Variants in CPEB2 observed in about 807,000 individuals in gnomAD.
The protein encoded by CPEB2 is cytoplasmic polyadenylation element-binding protein 2.
In CPEB2, 56 loss-of-function variants were observed where a neutral mutation model predicts 93.6. That is an observed-to-expected ratio of 0.60 (90% CI 0.48 to 0.75). The LOEUF (loss-of-function observed/expected upper bound fraction) is 0.75, where lower values mean the gene tolerates loss of function less well. Ranked by LOEUF, CPEB2 falls within the 30% of genes least tolerant of loss-of-function variation. The pLI is 0.00. For missense variants in CPEB2, 1,579 were observed against 1,395.1 expected (o/e 1.13, Z -2.10); for synonymous variants, 764 against 586.3 (o/e 1.30, Z -4.38).
chr4:15,037,381 AT>A (rs1171232978), intron 5 of CPEB2, among the ~76,000 whole-genome samples: 1 of 152,144 alleles, frequency 6.6e-6, no homozygotes, highest in African/African-American at 2.4e-5. Context: ...ATTGAAAAAA[AT>A]AAAAATGTCT....
intron 4 of CPEB2, among the ~76,000 whole-genome samples, chr4:15,020,614 G>C (rs1465026158): frequency 6.6e-6 from 1 of 152,072 alleles, no homozygotes; most frequent in Admixed American, 6.6e-5. Flanking sequence ...TCATGGTCTG[G>C]CATAGCAGGT....
chr4:15,036,247 T>TA (rs1356214962), intron 5 of CPEB2, among the ~76,000 whole-genome samples: 2 of 152,072 alleles, frequency 1.3e-5, no homozygotes, highest in African/African-American at 4.8e-5. Context: ...ATTTAAACAA[T>TA]AAAAAAACCA....
chr4:15,002,766 C>G lies in CPEB2; in HGVS notation c.93C>G (p.Tyr31Ter), dbSNP rs772778501. The G allele has an allele frequency of 4.3e-5, 66 of 1,535,474 alleles. No individual in the cohort carries two copies. In the Admixed American group the frequency reaches 7.7e-4, roughly 18 times the overall value. ...TCTGCGGCGAGGCGTATGGTCCTTA[C>G]GCCGTGGGGTCCGTCAACCCGCTGC... ...PLFCGEAYGP[Y>*]AVGSVNPLPS... Residue 31 changes from tyrosine (Y) to a stop codon, truncating the protein, a stop_gained, in exon 1 of 12, where the codon TAC (tyrosine) becomes TAG (stop). Coordinates refer to ENST00000538197, the MANE Select transcript of CPEB2 (RefSeq NM_001177382.2). LOFTEE classifies it high-confidence loss of function.
At position 15,004,297 on chromosome 4, in the gene CPEB2, G is replaced by C; in HGVS notation, c.1624G>C (p.Ala542Pro). The C allele has an allele frequency of 6.7e-7, 1 of 1,490,004 alleles. No homozygotes were observed. Among genetic ancestry groups the C allele is most frequent in the Non-Finnish European group, 8.9e-7 (1 of 1,127,654 alleles). The allele number at this position is 1,490,004 out of a possible 1,614,324, so 92.3% of individuals were successfully genotyped here. Reference protein sequence around the residue: ...LQQQHQAAAAAFLQQRNSYNH... With the variant: ...LQQQHQAAAAPFLQQRNSYNH... ...GCAGCAGCACCAGGCGGCGGCCGCCGCCTTCCTGCAGCAGAGGAACTCCTA... is the reference window on the plus strand; with the variant it reads ...GCAGCAGCACCAGGCGGCGGCCGCCCCCTTCCTGCAGCAGAGGAACTCCTA... The change falls in exon 1 of 12, where the codon GCC (alanine) becomes CCC (proline). Residue 542 changes from alanine (A) to proline (P), a missense_variant. Coordinates refer to ENST00000538197, the MANE Select transcript of CPEB2 (RefSeq NM_001177382.2).
intron 11 of CPEB2, 151 bp downstream of exon 11, chr4:15,062,411 TG>T (rs1729275168): frequency 2.0e-6 from 1 of 506,790 alleles, no homozygotes; most frequent in South Asian, 5.8e-5. Flanking sequence ...ATCCTTGAAA[TG>T]GAAAATTACT....
Position 15,003,639 on chromosome 4 carries a change from C to T in CPEB2, c.966C>T (p.Leu322=). Residue 322 remains leucine, a synonymous_variant, in exon 1 of 12, where the codon CTC becomes CTT. Coordinates refer to ENST00000538197, the MANE Select transcript of CPEB2 (RefSeq NM_001177382.2). The stretch of plus-strand genomic sequence containing the variant: ...TGGAGTCCCCCAACCACCCTCTGCT[C>T]AACAGTCCCAGTAACCTCCTGCCCG... ...GSMESPNHPL[L]NSPSNLLPGG... is the part of the protein sequence containing the mutation. 5 of 1,482,036 alleles carry T rather than the reference C, an allele frequency of 3.4e-6. No individual in the cohort carries two copies. The highest frequency in any genetic ancestry group is 1.3e-5 in the South Asian group (1 of 79,424). 91.8% of individuals were successfully genotyped at this position (1,482,036 alleles called of 1,614,324 possible).
chr4:15,005,110 C>G (rs1722636594), intron 1 of CPEB2: 1 of 152,200 alleles, frequency 6.6e-6, no homozygotes, highest in Non-Finnish European at 1.5e-5. Flanking sequence ...GACCGCCCTC[C>G]TCGCAGGACC....
intron 11 of CPEB2, among the ~76,000 whole-genome samples, chr4:15,062,722 G>A (rs747204919): frequency 7.2e-5 from 11 of 151,990 alleles, no homozygotes; most frequent in South Asian, 2.1e-4. Flanking sequence ...AGAACTTGAC[G>A]GAGAGTGTTA....
In CPEB2 at chr4:15,003,736, G is replaced by C; in HGVS notation, c.1063G>C (p.Gly355Arg). ...PDLPHPGGGG[G>R]GGGGGPPGGG... ...CCTTCCACACCCGGGCGGCGGCGGCGGCGGCGGGGGCGGGGGGCCCCCAGG... is the reference window on the plus strand; with the variant it reads ...CCTTCCACACCCGGGCGGCGGCGGCCGCGGCGGGGGCGGGGGGCCCCCAGG... The change falls in exon 1 of 12, where the codon GGC becomes CGC. Residue 355 changes from glycine (G) to arginine (R), a missense_variant. Coordinates refer to ENST00000538197, the MANE Select transcript of CPEB2 (RefSeq NM_001177382.2). 2 of 1,289,136 alleles carry C rather than the reference G, an allele frequency of 1.6e-6. No homozygotes were observed. Among genetic ancestry groups the C allele is most frequent in the Non-Finnish European group, 2.0e-6 (2 of 1,023,358 alleles). The allele number at this position is 1,289,136 out of a possible 1,614,324, so 79.9% of individuals were successfully genotyped here. A position where few individuals can be genotyped will look rare whatever the true frequency, so the allele number is the denominator to read the frequency against.
chr4:15,028,078 A>G (rs917677768), intron 4 of CPEB2, among the ~76,000 whole-genome samples: 3 of 152,176 alleles, frequency 2.0e-5, no homozygotes, highest in African/African-American at 7.2e-5. Context: ...TCTTTTAGAA[A>G]CAATTGGCAG....
At chr4:15,013,429 A>G (rs1723739525) in intron 3 of CPEB2, among the ~76,000 whole-genome samples, 1 of 152,016 alleles carries the variant, frequency 6.6e-6, no homozygotes, top group South Asian at 2.1e-4. Flanking sequence ...TTACATTGCT[A>G]TGATTTTCCA....
chr4:15,048,481 A>G (rs150219695), intron 6 of CPEB2, among the ~76,000 whole-genome samples: 13 of 151,950 alleles, frequency 8.6e-5, no homozygotes, highest in Non-Finnish European at 1.6e-4. Context: ...TGTTTCCTCT[A>G]GTTGTTAAAT....
chr4:15,050,443 CTTCAGTTAA>C (rs1439094257), intron 6 of CPEB2, among the ~76,000 whole-genome samples: 1 of 152,126 alleles, frequency 6.6e-6, no homozygotes, highest in Non-Finnish European at 1.5e-5. Flanking sequence ...CAAAAAAATC[CTTCAGTTAA>C]TACTGAAAGA....
At chr4:15,026,619 A>C (rs998169932) in intron 4 of CPEB2, among the ~76,000 whole-genome samples, 4 of 152,194 alleles carry the variant, frequency 2.6e-5, no homozygotes, top group African/African-American at 9.6e-5. Flanking sequence ...ACCTTGAATC[A>C]GCATCTATCA....
chr4:15,037,098 C>G (rs1014416511), intron 5 of CPEB2, among the ~76,000 whole-genome samples: 2 of 152,020 alleles, frequency 1.3e-5, no homozygotes, highest in South Asian at 2.1e-4. Context: ...GTCAGGAGAT[C>G]GAGACCATCC....
intron 8 of CPEB2, among the ~76,000 whole-genome samples, chr4:15,056,912 A>G (rs1341462672): frequency 6.6e-6 from 1 of 152,146 alleles, no homozygotes; most frequent in Non-Finnish European, 1.5e-5. Flanking sequence ...TAATTTTTGT[A>G]ATATAAACAT....
chr4:15,024,099 T>C (rs1415392318), intron 4 of CPEB2, among the ~76,000 whole-genome samples: 1 of 152,140 alleles, frequency 6.6e-6, no homozygotes, highest in Non-Finnish European at 1.5e-5. Flanking sequence ...TATTTATCCA[T>C]AGACTGTAAA....
At chr4:15,040,069 T>C (rs1484707506) in intron 5 of CPEB2, among the ~76,000 whole-genome samples, 2 of 152,130 alleles carry the variant, frequency 1.3e-5, no homozygotes, top group Non-Finnish European at 2.9e-5. Context: ...TACCATTCTT[T>C]ATAATAAGTA....
intron 11 of CPEB2, among the ~76,000 whole-genome samples, chr4:15,062,813 C>G (rs1196780138): frequency 6.6e-6 from 1 of 151,994 alleles, no homozygotes; most frequent in Non-Finnish European, 1.5e-5. Context: ...TTGACCTAAA[C>G]TTAAAATTTT....
Sources: allele counts gnomAD v4.1 joint callset (sites outside exome capture counted in the v4.1 genomes callset), GRCh38; gene constraint gnomAD v4.1.1; transcripts MANE v1.5; gene names NCBI Gene and HGNC (gene_info 2026-07-23, HGNC 2026-07-21).